Variants in RABL2A observed in about 807,000 individuals in gnomAD.
RABL2A encodes RAB, member of RAS oncogene family like 2A.
RABL2A carries 17 observed loss-of-function variants against 30.7 expected under a neutral mutation model. The ratio of observed to expected loss-of-function variants is 0.55; its 90% CI spans 0.38 to 0.83. The LOEUF is 0.83. RABL2A is among the 40% of genes least tolerant of loss of function. The pLI is 0.00. For missense variants in RABL2A, 155 were observed against 272.6 expected (o/e 0.57, Z 3.04); for synonymous variants, 64 against 101.8 (o/e 0.63, Z 2.24).
At chr2:113,641,593 T>A in intron 7 of RABL2A, 143 bp downstream of exon 7, 1 of 1,561,064 alleles carries the variant, frequency 6.4e-7, no homozygotes, top group East Asian at 2.2e-5. Context: ...GAGGAGCTGA[T>A]GGGCCTGGAC....
intron 2 of RABL2A, among the ~76,000 whole-genome samples, chr2:113,631,849 G>C (rs1417097335): frequency 6.6e-6 from 1 of 151,844 alleles, no homozygotes. Flanking sequence ...TTCTGAGCTT[G>C]AGTCTTTTTC....
At chr2:113,635,698 G>T (rs1489496463) in intron 5 of RABL2A, among the ~76,000 whole-genome samples, 1 of 152,250 alleles carries the variant, frequency 6.6e-6, no homozygotes, top group Non-Finnish European at 1.5e-5. Context: ...GGAGAAAGGA[G>T]CTCTGTAAAC....
At chr2:113,640,277 A>G (rs1465709808) in intron 5 of RABL2A, 3 of 153,508 alleles carry the variant, frequency 2.0e-5, no homozygotes, top group African/African-American at 7.2e-5. Flanking sequence ...AGTTTTTACA[A>G]TTTCTAACAG....
chr2:113,630,603 GC>G (rs889440071), intron 2 of RABL2A, among the ~76,000 whole-genome samples: 41 of 151,948 alleles, frequency 2.7e-4, no homozygotes, highest in African/African-American at 9.2e-4. Context: ...CACGGTAGCA[GC>G]CCCAGTCACC....
chr2:113,636,916 G>C (rs1417777401), intron 5 of RABL2A, among the ~76,000 whole-genome samples: 6 of 151,808 alleles, frequency 4.0e-5, no homozygotes, highest in Non-Finnish European at 4.4e-5. Context: ...GTGAACCCAG[G>C]AGGCGGAGCT....
chr2:113,643,256 C>G lies in RABL2A; in HGVS notation c.*1127C>G, dbSNP rs1168427893. The G allele has an allele frequency of 2.7e-6, 1 of 368,852 alleles. No individual in the cohort carries two copies. The highest frequency in any genetic ancestry group is 3.9e-5 in the Admixed American group (1 of 25,832). 22.8% of individuals were successfully genotyped at this position (368,852 alleles called of 1,614,324 possible). A position where few individuals can be genotyped will look rare whatever the true frequency, so the allele number is the denominator to read the frequency against. On this transcript the variant is annotated 3_prime_UTR_variant, in exon 9 of 9. Transcript: ENST00000683472. ...TGCAAGAGGAGAGCTAGCAGATATG[C>G]CTGTTCACCCCTCTCTGGTACTTGT...
chr2:113,634,979 A>G, intron 4 of RABL2A, 72 bp from the exon 5 acceptor site: 1 of 1,601,434 alleles, frequency 6.2e-7, no homozygotes, highest in African/African-American at 1.3e-5. Context: ...TTTGTGCCGC[A>G]TGTGTGTTGT....
chr2:113,633,153 C>T, intron 3 of RABL2A: 4 of 706,474 alleles, frequency 5.7e-6, no homozygotes, highest in Non-Finnish European at 7.7e-6. Context: ...TTGGACCTTA[C>T]TCATATTTGG....
At chr2:113,638,057 G>C (rs554049399) in intron 5 of RABL2A, 1 of 985,426 alleles carries the variant, frequency 1.0e-6, no homozygotes, top group South Asian at 4.7e-5. Context: ...ATTCTAGCCA[G>C]TTCCTCCTCA....
In RABL2A at chr2:113,642,690, G is replaced by C. The variant is rs1156596836; in HGVS notation, c.*561G>C. 5 of 194,032 alleles carry C rather than the reference G, an allele frequency of 2.6e-5. No homozygotes were observed. Among genetic ancestry groups the C allele is most frequent in the Non-Finnish European group, 5.3e-5 (5 of 93,650 alleles). 12.0% of individuals were successfully genotyped at this position (194,032 alleles called of 1,614,324 possible). A position where few individuals can be genotyped will look rare whatever the true frequency, so the allele number is the denominator to read the frequency against. ...GGAGTCTCGCTCTGTCGCCAGGCTG[G>C]AGTGCAGTGGCGCAGTCTCGGCTCG... On this transcript the variant is annotated 3_prime_UTR_variant, in exon 9 of 9. Transcript: ENST00000683472.
chr2:113,638,527 C>G, intron 5 of RABL2A: 5 of 985,354 alleles, frequency 5.1e-6, no homozygotes, highest in Non-Finnish European at 6.0e-6. Context: ...GAGTTCTGCC[C>G]TTAGAGCTGG....
At chr2:113,637,304 G>A in intron 5 of RABL2A, 1 of 974,842 alleles carries the variant, frequency 1.0e-6, no homozygotes, top group South Asian at 4.6e-5. Flanking sequence ...TTCAGGCCCT[G>A]CTTCAATGCC....
At chr2:113,639,528 A>G (rs1345372480) in intron 5 of RABL2A, among the ~76,000 whole-genome samples, 1 of 151,388 alleles carries the variant, frequency 6.6e-6, no homozygotes, top group East Asian at 1.9e-4. Flanking sequence ...AGGCTGAGAC[A>G]AGAGAATCGC....
rs1021693238 is a variant in RABL2A, at chr2:113,642,393, C to G, written c.*264C>G. 2.9e-6 allele frequency: 2 copies of G among 684,138 alleles called. No individual in the cohort carries two copies. The highest frequency in any genetic ancestry group is 1.8e-5 in the African/African-American group (1 of 55,134). 42.4% of individuals were successfully genotyped at this position (684,138 alleles called of 1,614,324 possible). ...ATCATTAACACCTTCCCCACCCCCT[C>G]CCCCCAGGCAGACAGTGAAGAGAAT... On this transcript the variant is annotated 3_prime_UTR_variant, in exon 9 of 9. Coordinates refer to ENST00000683472, the MANE Select transcript of RABL2A (RefSeq NM_001306158.2).
At chr2:113,630,633 C>CA (rs1679956656) in intron 2 of RABL2A, among the ~76,000 whole-genome samples, 1 of 141,868 alleles carries the variant, frequency 7.0e-6, no homozygotes, top group Non-Finnish European at 1.5e-5. Context: ...TTTAAGGTGC[C>CA]TTTTTTTTTT....
intron 4 of RABL2A, chr2:113,634,700 G>T (rs1681821143): frequency 1.4e-5 from 6 of 432,790 alleles, no homozygotes; most frequent in South Asian, 1.0e-4. Context: ...TACCGTCTGT[G>T]GTCATCGCAC....
chr2:113,629,628 G>A (rs1022074071), intron 2 of RABL2A, among the ~76,000 whole-genome samples: 104 of 151,610 alleles, frequency 6.9e-4, no homozygotes, highest in African/African-American at 9.4e-4. Flanking sequence ...TCCGCCTCCC[G>A]GGTTCACACC....
At chr2:113,634,908 G>T in intron 4 of RABL2A, 143 bp from the exon 5 acceptor site, 1 of 894,846 alleles carries the variant, frequency 1.1e-6, no homozygotes, top group South Asian at 1.4e-5. Flanking sequence ...ACACACGTGT[G>T]GGGCTGTATA....
intron 2 of RABL2A, among the ~76,000 whole-genome samples, chr2:113,630,866 A>G (rs1680053785): frequency 6.6e-6 from 1 of 151,692 alleles, no homozygotes; most frequent in African/African-American, 2.4e-5. Flanking sequence ...AGGTGATCAT[A>G]CTGCTTAATA....
Sources: allele counts gnomAD v4.1 joint callset (sites outside exome capture counted in the v4.1 genomes callset), GRCh38; gene constraint gnomAD v4.1.1; transcripts MANE v1.5; gene names NCBI Gene and HGNC (gene_info 2026-07-23, HGNC 2026-07-21).